Variants in UGT1A9 observed in about 807,000 individuals in gnomAD.
UGT1A9 encodes UDP-glucuronosyltransferase 1A9.
UGT1A9 carries 35 observed loss-of-function variants against 45.0 expected under a neutral mutation model. The observed-to-expected ratio is 0.78, with a 90% CI of 0.59 to 1.03. The LOEUF (loss-of-function observed/expected upper bound fraction) is 1.03. Ranked by LOEUF, UGT1A9 falls within the 50% of genes least tolerant of loss-of-function variation. UGT1A9 has a pLI of 0.00. For synonymous variants in UGT1A9, 278 were observed against 250.6 expected (o/e 1.11, Z -1.03); for missense variants, 687 against 666.6 (o/e 1.03, Z -0.34).
rs1003147991 is a variant in UGT1A9 at position 233,772,600 on chromosome 2, T to C, written c.*41T>C. 1 of 1,591,692 alleles carries C rather than the reference T, an allele frequency of 6.3e-7. No homozygotes were observed. The highest frequency in any genetic ancestry group is 8.6e-7 in the Non-Finnish European group (1 of 1,168,178). ...TAAGGTAAAATTTTGAACCATTCCC[T>C]AGTCATTTCCAAACTTGAAAACAGA... On this transcript the variant is annotated 3_prime_UTR_variant, in exon 5 of 5. Coordinates refer to ENST00000354728, the MANE Select transcript of UGT1A9 (RefSeq NM_021027.3).
rs948752989 is a variant in UGT1A9 at position 233,724,891 on chromosome 2, C to G, written c.856-42143C>G. Reference sequence around the variant, plus strand: ...GTAGTGAGCGGAGATCACGCCACTGCACTCCAGCCTGGGCACCATTGAGCA... The same window carrying G: ...GTAGTGAGCGGAGATCACGCCACTGGACTCCAGCCTGGGCACCATTGAGCA... On this transcript the variant is annotated intron_variant, in intron 1 of 4. Transcript: ENST00000354728. Among the ~76,000 whole-genome samples the G allele has an allele frequency of 2.9e-4, 40 of 136,070 alleles. 2 individuals carry two copies. Among genetic ancestry groups the G allele is most frequent in the African/African-American group, 1.2e-3 (40 of 33,596 alleles). The allele number at this position is 136,070 out of a possible 152,430, so 89.3% of individuals were successfully genotyped here. A position where few individuals can be genotyped will look rare whatever the true frequency, so the allele number is the denominator to read the frequency against.
chr2:233,685,940 A>T (rs1027688022), intron 1 of UGT1A9, among the ~76,000 whole-genome samples: 1 of 152,222 alleles, frequency 6.6e-6, no homozygotes, highest in Non-Finnish European at 1.5e-5. Context: ...GTCTCAAAAA[A>T]GTCTTTTATA....
chr2:233,673,331 T>A (rs1559335098), intron 1 of UGT1A9, among the ~76,000 whole-genome samples: 1 of 152,176 alleles, frequency 6.6e-6, no homozygotes, highest in African/African-American at 2.4e-5. Flanking sequence ...CTATTAATAA[T>A]TGCATAAAAT....
chr2:233,740,757 T>C (rs1350241076), intron 1 of UGT1A9: 3 of 151,778 alleles, frequency 2.0e-5, no homozygotes, highest in Non-Finnish European at 2.9e-5. Context: ...CTGAAAACCT[T>C]ATCAAACCGT....
chr2:233,693,845 A>G, intron 1 of UGT1A9: 1 of 1,614,152 alleles, frequency 6.2e-7, no homozygotes, highest in Non-Finnish European at 8.5e-7. Flanking sequence ...CAACTGTAAG[A>G]AGAGGAAAGA....
At chr2:233,732,618 A>G (rs2078289754) in intron 1 of UGT1A9, among the ~76,000 whole-genome samples, 1 of 152,068 alleles carries the variant, frequency 6.6e-6, no homozygotes, top group Non-Finnish European at 1.5e-5. Flanking sequence ...ATGGTTGTAG[A>G]TGTGTGGTGT....
chr2:233,672,780 G>A lies in UGT1A9; in HGVS notation c.846G>A (p.Pro282=), dbSNP rs767375950. ...IGGINCHQGK[P]LPMEFEAYIN... is the part of the protein sequence containing the mutation. Reference sequence around the variant, plus strand: ...GTATCAACTGCCATCAGGGAAAGCCGTTGCCTATGGTAAGTTATCTCTCCT... The same window carrying A: ...GTATCAACTGCCATCAGGGAAAGCCATTGCCTATGGTAAGTTATCTCTCCT... The change falls in exon 1 of 5, where the codon CCG becomes CCA. Residue 282 remains proline, a synonymous_variant. Coordinates refer to ENST00000354728, the MANE Select transcript of UGT1A9 (RefSeq NM_021027.3). 28 of 1,613,032 alleles carry A rather than the reference G, an allele frequency of 1.7e-5. No homozygotes were observed. The highest frequency in any genetic ancestry group is 3.3e-5 in the Admixed American group (2 of 59,970).
chr2:233,725,813 T>C (rs566804678), intron 1 of UGT1A9, among the ~76,000 whole-genome samples: 29 of 152,324 alleles, frequency 1.9e-4, no homozygotes, highest in African/African-American at 7.0e-4. Context: ...ATCCATTTTA[T>C]TGGATACCAG....
rs763953331 is a variant in UGT1A9, at chr2:233,743,717, C to T, written c.856-23317C>T. The T allele has an allele frequency of 8.8e-6, 12 of 1,367,234 alleles. No individual in the cohort carries two copies. In the East Asian group the frequency reaches 2.7e-4, roughly 31 times the overall value. 84.7% of individuals were successfully genotyped at this position (1,367,234 alleles called of 1,614,324 possible). On this transcript the variant is annotated intron_variant, in intron 1 of 4. Coordinates refer to ENST00000354728, the MANE Select transcript of UGT1A9 (RefSeq NM_021027.3). ...GCCCTCCGCCCCCGCCTCGCCATAG[C>T]GGTCATAGATATCGCGTTTCTTGGC... is the stretch of plus-strand genomic sequence containing the variant.
At chr2:233,750,259 G>C (rs1161591814) in intron 1 of UGT1A9, among the ~76,000 whole-genome samples, 2 of 151,924 alleles carry the variant, frequency 1.3e-5, no homozygotes, top group African/African-American at 2.4e-5. Flanking sequence ...GGTCACCCTT[G>C]CTATGCTTTA....
At chr2:233,687,261 A>G (rs2074829580) in intron 1 of UGT1A9, among the ~76,000 whole-genome samples, 2 of 152,180 alleles carry the variant, frequency 1.3e-5, no homozygotes, top group Admixed American at 6.5e-5. Flanking sequence ...GATCTTAACC[A>G]TGCATTCAGA....
rs763118975 is a variant in UGT1A9 at position 233,672,020 on chromosome 2, T to A, written c.86T>A (p.Leu29Gln). The change falls in exon 1 of 5, where the codon CTG becomes CAG. Residue 29 changes from leucine (L) to glutamine (Q), a missense_variant. By Grantham distance (113) the Leu-to-Gln change is moderately radical. Coordinates refer to ENST00000354728, the MANE Select transcript of UGT1A9 (RefSeq NM_021027.3). ...GGCTTTGCCGAGGCAGGGAAGCTAC[T>A]GGTAGTGCCCATGGATGGGAGCCAC... ...TCGFAEAGKL[L>Q]VVPMDGSHWF... 1 of 1,614,156 alleles carries A rather than the reference T, an allele frequency of 6.2e-7. No homozygotes were observed. Among genetic ancestry groups the A allele is most frequent in the East Asian group, 2.2e-5 (1 of 44,882 alleles).
At chr2:233,745,739 A>G (rs1329170032) in intron 1 of UGT1A9, among the ~76,000 whole-genome samples, 2 of 141,886 alleles carry the variant, frequency 1.4e-5, no homozygotes, top group African/African-American at 2.7e-5. Flanking sequence ...AGGCAGAGGG[A>G]GGGGGCAAGC....
chr2:233,690,236 A>G (rs2074981656), intron 1 of UGT1A9, among the ~76,000 whole-genome samples: 1 of 152,206 alleles, frequency 6.6e-6, no homozygotes, highest in African/African-American at 2.4e-5. Context: ...TAGATTCAGC[A>G]AATTTCTTAT....
chr2:233,749,814 T>C (rs951105241), intron 1 of UGT1A9, among the ~76,000 whole-genome samples: 1 of 151,928 alleles, frequency 6.6e-6, no homozygotes, highest in African/African-American at 2.4e-5. Flanking sequence ...AAGCTCTTCC[T>C]CTTTCTCTCT....
chr2:233,733,382 G>A (rs1164801978), intron 1 of UGT1A9, among the ~76,000 whole-genome samples: 3 of 152,128 alleles, frequency 2.0e-5, no homozygotes, highest in African/African-American at 7.2e-5. Context: ...TCCTTGTTTT[G>A]TGCCAGTTTT....
chr2:233,676,786 C>G (rs74435166), intron 1 of UGT1A9, among the ~76,000 whole-genome samples: 7,560 of 152,232 alleles, frequency 0.05, 292 homozygotes, highest in African/African-American at 0.1. Flanking sequence ...ACACAGAGGT[C>G]TTTTCTTGTT....
chr2:233,730,749 A>G (rs1471085496), intron 1 of UGT1A9, among the ~76,000 whole-genome samples: 3 of 152,116 alleles, frequency 2.0e-5, no homozygotes, highest in Non-Finnish European at 2.9e-5. Context: ...TAGGGAGGAG[A>G]TAAGACTGTG....
intron 1 of UGT1A9, chr2:233,755,528 C>G (rs1695950556): frequency 6.3e-6 from 1 of 159,796 alleles, no homozygotes; most frequent in South Asian, 1.8e-4. Flanking sequence ...CGGCCTCCAA[C>G]CAGCCATGGT....
Sources: allele counts gnomAD v4.1 joint callset (sites outside exome capture counted in the v4.1 genomes callset), GRCh38; gene constraint gnomAD v4.1.1; transcripts MANE v1.5; gene names NCBI Gene and HGNC (gene_info 2026-07-23, HGNC 2026-07-21).